CTNNA3: variants seen among roughly 807,000 people sequenced by gnomAD.
The protein encoded by CTNNA3 is catenin alpha-3.
In CTNNA3, 76 loss-of-function variants were observed where a neutral mutation model predicts 95.7. The ratio of observed to expected loss-of-function variants is 0.79; its 90% confidence interval spans 0.66 to 0.96. CTNNA3 has a LOEUF of 0.96. CTNNA3 is among the 40% of genes least tolerant of loss of function. CTNNA3 has a pLI of 0.00. For synonymous variants in CTNNA3, 431 were observed against 374.4 expected, an observed-to-expected ratio of 1.15 and a Z score of -1.74; for missense variants, 1,191 against 1,089.8, an observed-to-expected ratio of 1.09 and a Z score of -1.31.
At chr10:66,142,740 C>T (rs777829183) in intron 13 of CTNNA3, among the ~76,000 whole-genome samples, 3 of 152,210 alleles carry the variant, frequency 2.0e-5, no homozygotes, top group East Asian at 1.9e-4. Context: ...TTAGAGACCT[C>T]ACCACAATGC....
chr10:66,547,178 G>C (rs192326351), intron 10 of CTNNA3, among the ~76,000 whole-genome samples: 1 of 151,950 alleles, frequency 6.6e-6, no homozygotes, highest in Admixed American at 6.5e-5. Flanking sequence ...CTTCTAGCCA[G>C]GAGTCACAAA....
At chr10:67,412,720 G>A (rs1845411272) in intron 5 of CTNNA3, among the ~76,000 whole-genome samples, 3 of 151,990 alleles carry the variant, frequency 2.0e-5, no homozygotes, top group Non-Finnish European at 2.9e-5. Context: ...CTTAAAGAAA[G>A]GAAATTCCAA....
In CTNNA3 at chr10:67,343,170, C is replaced by T. The variant is rs146829648; in HGVS notation, c.580-123300G>A. Among the ~76,000 whole-genome samples, 1,115 of 152,190 alleles carry T rather than the reference C, an allele frequency of 7.3e-3. 4 individuals are homozygous for T. The highest frequency in any genetic ancestry group is 0.011 in the Non-Finnish European group (778 of 67,998). ...TTCACCATGTTGGCCAGGCTGGTCT[C>T]GAACTCCTGACCTCAAGTGATCTGC... On this transcript the variant is annotated intron_variant, in intron 5 of 17. Transcript: ENST00000433211.
chr10:66,886,442 G>T (rs1474872545), intron 7 of CTNNA3, among the ~76,000 whole-genome samples: 2 of 151,998 alleles, frequency 1.3e-5, no homozygotes, highest in Non-Finnish European at 2.9e-5. Context: ...CTGATACTGG[G>T]ACCCTTATGT....
chr10:66,465,506 C>A (rs374505723), intron 11 of CTNNA3, among the ~76,000 whole-genome samples: 1 of 152,202 alleles, frequency 6.6e-6, no homozygotes, highest in Admixed American at 6.6e-5. Flanking sequence ...TGGTTAAGAC[C>A]TGCACTGAAG....
At chr10:67,288,750 A>C (rs1452835430) in intron 5 of CTNNA3, among the ~76,000 whole-genome samples, 1 of 152,194 alleles carries the variant, frequency 6.6e-6, no homozygotes, top group Non-Finnish European at 1.5e-5. Context: ...TTCTGGACCC[A>C]AAGAAAGTTT....
At chr10:66,418,525 C>T (rs76361224) in intron 11 of CTNNA3, among the ~76,000 whole-genome samples, 8 of 148,738 alleles carry the variant, frequency 5.4e-5, no homozygotes, top group East Asian at 2.0e-4. Flanking sequence ...TCTATAAAGC[C>T]GGTATCATTC....
At chr10:67,531,431 G>C (rs1840325315) in intron 4 of CTNNA3, among the ~76,000 whole-genome samples, 2 of 152,182 alleles carry the variant, frequency 1.3e-5, no homozygotes, top group Admixed American at 1.3e-4. Flanking sequence ...GATCATTTTG[G>C]AGCTTTAAGA....
chr10:67,425,933 G>A (rs1461936374), intron 5 of CTNNA3, among the ~76,000 whole-genome samples: 2 of 152,040 alleles, frequency 1.3e-5, no homozygotes, highest in African/African-American at 4.8e-5. Context: ...TCTGGGAAGG[G>A]CCTTGAAGAC....
At chr10:66,621,839 C>T (rs1386769972) in intron 9 of CTNNA3, 55 bp from the exon 10 acceptor site, 4 of 1,072,928 alleles carry the variant, frequency 3.7e-6, no homozygotes, top group South Asian at 2.8e-5. Context: ...GGAAATGCAG[C>T]AACACTTATA....
chr10:66,728,683 C>T (rs960643211), intron 9 of CTNNA3, among the ~76,000 whole-genome samples: 2 of 152,004 alleles, frequency 1.3e-5, no homozygotes, highest in East Asian at 1.9e-4. Context: ...CTGTTTCCCG[C>T]GTTAAGTGAT....
At chr10:67,460,833 G>T (rs897169366) in intron 5 of CTNNA3, among the ~76,000 whole-genome samples, 4 of 152,076 alleles carry the variant, frequency 2.6e-5, no homozygotes, top group Non-Finnish European at 5.9e-5. Context: ...AAAATATATT[G>T]TGTCCAGGTT....
intron 7 of CTNNA3, among the ~76,000 whole-genome samples, chr10:66,796,619 C>T (rs1014031352): frequency 3.3e-5 from 5 of 151,964 alleles, no homozygotes; most frequent in African/African-American, 1.2e-4. Flanking sequence ...TTCCACAAAC[C>T]TTCGATTTGT....
intron 6 of CTNNA3, among the ~76,000 whole-genome samples, chr10:67,205,717 A>G (rs956354176): frequency 2.0e-5 from 3 of 152,168 alleles, no homozygotes; most frequent in Non-Finnish European, 2.9e-5. Context: ...CTAAAACACC[A>G]AAAAATGGTT....
chr10:67,531,126 G>A (rs568163822), intron 4 of CTNNA3, among the ~76,000 whole-genome samples: 1 of 152,294 alleles, frequency 6.6e-6, no homozygotes, highest in Non-Finnish European at 1.5e-5. Context: ...CCTCTGTTAG[G>A]AAGAGTGGAA....
intron 15 of CTNNA3, among the ~76,000 whole-genome samples, chr10:66,031,242 A>C (rs979813517): frequency 6.6e-6 from 1 of 152,186 alleles, no homozygotes; most frequent in Non-Finnish European, 1.5e-5. Flanking sequence ...TACCAAAAAG[A>C]CATGTGCACT....
At chr10:67,417,927 C>G (rs1295056636) in intron 5 of CTNNA3, among the ~76,000 whole-genome samples, 4 of 152,112 alleles carry the variant, frequency 2.6e-5, no homozygotes, top group African/African-American at 4.8e-5. Flanking sequence ...CAACATTTTT[C>G]ATAAGAGCCC....
chr10:66,792,408 T>G (rs944896568), intron 7 of CTNNA3, among the ~76,000 whole-genome samples: 1 of 152,162 alleles, frequency 6.6e-6, no homozygotes, highest in African/African-American at 2.4e-5. Flanking sequence ...CTAGAAGAGC[T>G]TGTTAAAATG....
chr10:67,726,939 C>A (rs1416144244), intron 1 of CTNNA3, among the ~76,000 whole-genome samples: 2 of 112,646 alleles, frequency 1.8e-5, no homozygotes, highest in Non-Finnish European at 3.3e-5. Context: ...TATCATATAT[C>A]ATATATATTA....
Sources: allele counts gnomAD v4.1 joint callset (sites outside exome capture counted in the v4.1 genomes callset), GRCh38; gene constraint gnomAD v4.1.1; transcripts MANE v1.5; gene names NCBI Gene and HGNC (gene_info 2026-07-23, HGNC 2026-07-21).